CNOT7: variants seen among roughly 807,000 people sequenced by gnomAD.
The protein encoded by CNOT7 is CCR4-NOT transcription complex subunit 7.
CNOT7 carries 4 observed loss-of-function variants against 37.1 expected under a neutral mutation model. That is an observed-to-expected ratio of 0.11 (90% CI 0.05 to 0.25). CNOT7 has a LOEUF of 0.25. CNOT7 is among the 10% of genes least tolerant of loss of function. The pLI is 1.00. For missense variants in CNOT7, 170 were observed against 336.2 expected, an observed-to-expected ratio of 0.51 and a Z score of 3.87; for synonymous variants, 128 against 115.6, an observed-to-expected ratio of 1.11 and a Z score of -0.69.
rs1810420109 is a variant in CNOT7 at position 17,243,150 on chromosome 8, A to T, written c.153T>A (p.Ile51=). The T allele has an allele frequency of 2.5e-6, 4 of 1,606,810 alleles. No individual in the cohort carries two copies. In the Admixed American group the frequency reaches 6.9e-5, roughly 28 times the overall value. ...AGTCAGCATTGCTCCTGAATTCTCC[A>T]ATGGGTCTTGCAACCACACCTGGAA... ...TEFPGVVARP[I]GEFRSNADYQ... Residue 51 remains isoleucine, a synonymous_variant, in exon 3 of 7, where the codon ATT becomes ATA. Transcript: ENST00000361272.
chr8:17,231,610 T>A, intron 6 of CNOT7: 1 of 985,374 alleles, frequency 1.0e-6, no homozygotes. Flanking sequence ...GAAAATATAC[T>A]CAAATCCACA....
At chr8:17,239,772 C>T (rs929443539) in intron 3 of CNOT7, among the ~76,000 whole-genome samples, 12 of 152,204 alleles carry the variant, frequency 7.9e-5, no homozygotes, top group Non-Finnish European at 1.8e-4. Flanking sequence ...GGATTACAGG[C>T]GTGAGCCACC....
intron 3 of CNOT7, among the ~76,000 whole-genome samples, chr8:17,239,616 C>A (rs1209099124): frequency 1.3e-5 from 2 of 152,148 alleles, no homozygotes; most frequent in Non-Finnish European, 2.9e-5. Flanking sequence ...CTCAGCCTCC[C>A]GAGTAGCTGG....
intron 4 of CNOT7, among the ~76,000 whole-genome samples, chr8:17,235,627 T>TA (rs1404483597): frequency 7.9e-5 from 12 of 152,338 alleles, no homozygotes; most frequent in South Asian, 2.1e-4. Flanking sequence ...CCAGGCCACT[T>TA]AGACACGTCC....
Position 17,229,646 on chromosome 8 carries a change from G to A in CNOT7, c.*1074C>T, listed in dbSNP as rs1440520619. 1 of 151,234 alleles carries A rather than the reference G, an allele frequency of 6.6e-6. No homozygotes were observed. The highest frequency in any genetic ancestry group is 1.5e-5 in the Non-Finnish European group (1 of 67,634). The allele number at this position is 151,234 out of a possible 1,614,324, so 9.4% of individuals were successfully genotyped here. A position where few individuals can be genotyped will look rare whatever the true frequency, so the allele number is the denominator to read the frequency against. On this transcript the variant is annotated 3_prime_UTR_variant, in exon 7 of 7. Transcript: ENST00000361272. ...TTATCAGCTATATATATATATATGA[G>A]AATATATATATATTTTGTTGTTTTG...
At chr8:17,234,276 A>G (rs1465200372) in intron 5 of CNOT7, among the ~76,000 whole-genome samples, 1 of 152,226 alleles carries the variant, frequency 6.6e-6, no homozygotes, top group African/African-American at 2.4e-5. Flanking sequence ...AAGATAAGCC[A>G]AAAGGAAAGA....
rs1808173181 is a variant in CNOT7 at position 17,226,551 on chromosome 8, G to C, written c.*4169C>G. 1.3e-5 allele frequency: 2 copies of C among 151,610 alleles called. No homozygotes were observed. Among genetic ancestry groups the C allele is most frequent in the Non-Finnish European group, 3.0e-5 (2 of 67,686 alleles). 9.4% of individuals were successfully genotyped at this position (151,610 alleles called of 1,614,324 possible). On this transcript the variant is annotated 3_prime_UTR_variant, in exon 7 of 7. Coordinates refer to ENST00000361272, the MANE Select transcript of CNOT7 (RefSeq NM_013354.7). The stretch of plus-strand genomic sequence containing the variant: ...TGATTCATTTCCAACAGAAGATTAA[G>C]AGGAAACTTTAAAAGCATTTAATTG...
In CNOT7 at chr8:17,229,900, T is replaced by C. The variant is rs549808226; in HGVS notation, c.*820A>G. 1 of 151,454 alleles carries C rather than the reference T, an allele frequency of 6.6e-6. No individual in the cohort carries two copies. Among genetic ancestry groups the C allele is most frequent in the African/African-American group, 2.4e-5 (1 of 41,252 alleles). The allele number at this position is 151,454 out of a possible 1,614,324, so 9.4% of individuals were successfully genotyped here. On this transcript the variant is annotated 3_prime_UTR_variant, in exon 7 of 7. Coordinates refer to ENST00000361272, the MANE Select transcript of CNOT7 (RefSeq NM_013354.7). Reference sequence around the variant, plus strand: ...AATAAGCAGATCAAGGGAAGTGTGCTATCATAAAATAACTGTAGCTTCAAC... The same window carrying C: ...AATAAGCAGATCAAGGGAAGTGTGCCATCATAAAATAACTGTAGCTTCAAC...
rs1404562534 is a variant in CNOT7 at position 17,237,223 on chromosome 8, C to T, written c.462G>A (p.Leu154=). ...GVVLCEGVKW[L]SFHSGYDFGY... is the part of the protein sequence containing the mutation. ...TGTAGTCGTTTTACCTATGAAATGA[C>T]AACCATTTGACCCCTTCACAGAGGA... The change falls in exon 4 of 7, where the codon TTG becomes TTA. Residue 154 remains leucine, a synonymous_variant. Transcript: ENST00000361272. 1.9e-6 allele frequency: 3 copies of T among 1,613,576 alleles called. No individual in the cohort carries two copies. The highest frequency in any genetic ancestry group is 1.1e-5 in the South Asian group (1 of 91,048).
At chr8:17,237,626 C>G (rs898740003) in intron 3 of CNOT7, 4 of 382,954 alleles carry the variant, frequency 1.0e-5, no homozygotes, top group African/African-American at 8.1e-5. Context: ...TCTATTAACT[C>G]TATTAGCCTT....
chr8:17,242,020 T>C (rs1452248454), intron 3 of CNOT7: 1 of 152,174 alleles, frequency 6.6e-6, no homozygotes, highest in East Asian at 1.9e-4. Context: ...CAGCATGTCG[T>C]TCCGTGGCAC....
rs1808137579 is a variant in CNOT7, at chr8:17,226,058, A to G, written c.*4662T>C. The stretch of plus-strand genomic sequence containing the variant: ...TTTTTTTTTTTTTTTTTTTTTTTGA[A>G]AAGGGCAGGTAGCAAATATTAGAGG... On this transcript the variant is annotated 3_prime_UTR_variant, in exon 7 of 7. Transcript: ENST00000361272. 3.3e-5 allele frequency: 1 copy of G among 30,282 alleles called. No homozygotes were observed. The highest frequency in any genetic ancestry group is 7.0e-5 in the African/African-American group (1 of 14,302). The allele number at this position is 30,282 out of a possible 1,614,324, so 1.9% of individuals were successfully genotyped here.
At position 17,243,295 on chromosome 8, in the gene CNOT7, T is replaced by C. The variant is rs1027626733; in HGVS notation, c.118-110A>G. ...AATCCTACAGATGATATTCTACACA[T>C]TTATATTCAATTACAAAGTATATTT... On this transcript the variant is annotated intron_variant, in intron 2 of 6. Transcript: ENST00000361272. The C allele has an allele frequency of 2.0e-5, 16 of 796,358 alleles. No homozygotes were observed. In the East Asian group the frequency reaches 4.1e-4, roughly 20 times the overall value. The allele number at this position is 796,358 out of a possible 1,614,324, so 49.3% of individuals were successfully genotyped here.
At position 17,245,126 on chromosome 8, in the gene CNOT7, G is replaced by C. The variant is rs762916263; in HGVS notation, c.27C>G (p.Ser9Arg). The change falls in exon 2 of 7, where the codon AGC becomes AGG. Residue 9 changes from serine (S) to arginine (R), a missense_variant. By Grantham distance (110) the Ser-to-Arg change is moderately radical. Coordinates refer to ENST00000361272, the MANE Select transcript of CNOT7 (RefSeq NM_013354.7). MPAATVDHSQRICEVWACN... is the reference protein window; with the variant it reads MPAATVDHRQRICEVWACN... ...AAGCCCAAACTTCACAAATTCTTTG[G>C]CTATGATCTACAGTTGCCGCTGGCA... is the stretch of plus-strand genomic sequence containing the variant. The C allele has an allele frequency of 2.5e-6, 4 of 1,613,388 alleles. No individual in the cohort carries two copies. The South Asian group carries it at 4.4e-5, about 18-fold the overall frequency.
At chr8:17,238,538 A>T (rs1290974736) in intron 3 of CNOT7, among the ~76,000 whole-genome samples, 2 of 148,378 alleles carry the variant, frequency 1.3e-5, no homozygotes, top group East Asian at 2.0e-4. Context: ...CAGTGAAACC[A>T]CAGCTTTCCT....
rs888586854 is a variant in CNOT7, at chr8:17,244,825, C to T, written c.117+211G>A. The stretch of plus-strand genomic sequence containing the variant: ...CCCATGGTTCCCATGAATTCCAGTG[C>T]GTTTTCCCTCACTGCAATGAGGGAT... On this transcript the variant is annotated intron_variant, in intron 2 of 6. Coordinates refer to ENST00000361272, the MANE Select transcript of CNOT7 (RefSeq NM_013354.7). 22 of 472,236 alleles carry T rather than the reference C, an allele frequency of 4.7e-5. No individual in the cohort carries two copies. In the Admixed American group the frequency reaches 8.3e-4, roughly 18 times the overall value. 29.3% of individuals were successfully genotyped at this position (472,236 alleles called of 1,614,324 possible).
intron 1 of CNOT7, among the ~76,000 whole-genome samples, chr8:17,245,705 G>A (rs1046508503): frequency 6.6e-6 from 1 of 151,790 alleles, no homozygotes; most frequent in African/African-American, 2.4e-5. Context: ...CTTTACCGGC[G>A]TTTATTCTAA....
intron 2 of CNOT7, chr8:17,244,351 T>C (rs1043362127): frequency 6.6e-6 from 1 of 152,190 alleles, no homozygotes; most frequent in Admixed American, 6.5e-5. Context: ...ACCAACAACG[T>C]TTCACTGGCA....
intron 3 of CNOT7, among the ~76,000 whole-genome samples, chr8:17,238,220 G>GT (rs774322157): frequency 6.6e-6 from 1 of 152,040 alleles, no homozygotes; most frequent in African/African-American, 2.4e-5. Flanking sequence ...GTGAAAAAGT[G>GT]TTTTTTTATT....
Sources: gnomAD v4.1 joint callset for allele counts (sites outside exome capture counted in the v4.1 genomes callset) on GRCh38, gnomAD v4.1.1 for gene constraint, MANE v1.5 for transcripts, NCBI Gene and HGNC (gene_info 2026-07-23, HGNC 2026-07-21) for gene names.